CDH13: variants seen among roughly 807,000 people sequenced by gnomAD.
The protein encoded by CDH13 is cadherin 13.
Under a neutral mutation model 63.8 loss-of-function variants are expected in CDH13, and 24 were observed. That is an observed-to-expected ratio of 0.38 (90% CI 0.27 to 0.53). CDH13 has a LOEUF of 0.53. Ranked by LOEUF, CDH13 falls within the 20% of genes least tolerant of loss-of-function variation. The pLI is 0.85. For missense variants in CDH13, 1,049 were observed against 903.1 expected (o/e 1.16, Z -2.07); for synonymous variants, 503 against 355.3 (o/e 1.42, Z -4.67).
intron 3 of CDH13, among the ~76,000 whole-genome samples, chr16:83,078,028 G>C (rs1019134207): frequency 6.6e-6 from 1 of 152,058 alleles, no homozygotes; most frequent in Non-Finnish European, 1.5e-5. Flanking sequence ...GGCTTTGTTT[G>C]TTTTTGGCTT....
At chr16:83,790,101 C>T (rs1295037113) in intron 13 of CDH13, 1 of 152,190 alleles carries the variant, frequency 6.6e-6, no homozygotes, top group Non-Finnish European at 1.5e-5. Flanking sequence ...GTATTTTCTT[C>T]AGTGGTCTGG....
At chr16:83,346,179 T>C (rs1177099598) in intron 6 of CDH13, among the ~76,000 whole-genome samples, 1 of 151,894 alleles carries the variant, frequency 6.6e-6, no homozygotes, top group Non-Finnish European at 1.5e-5. Flanking sequence ...CTGGAGGGTG[T>C]TTAGGGGAGT....
chr16:83,172,791 A>T (rs2037978455), intron 4 of CDH13, among the ~76,000 whole-genome samples: 1 of 152,056 alleles, frequency 6.6e-6, no homozygotes, highest in Non-Finnish European at 1.5e-5. Context: ...ACAAACAATA[A>T]AAAAAGAAAA....
Position 82,655,198 on chromosome 16 carries a change from C to A in CDH13, c.45+28061C>A, listed in dbSNP as rs539191469. Among the ~76,000 whole-genome samples, 3 of 152,348 alleles carry A rather than the reference C, an allele frequency of 2.0e-5. No homozygotes were observed. In the East Asian group the frequency reaches 5.8e-4, roughly 29 times the overall value. Reference sequence around the variant, plus strand: ...GCAATGGGCACAACCAGGTTCCTATCTTCATGGAGCTATTGCTTTATTGGC... The same window carrying A: ...GCAATGGGCACAACCAGGTTCCTATATTCATGGAGCTATTGCTTTATTGGC... On this transcript the variant is annotated intron_variant, in intron 1 of 13. Transcript: ENST00000567109.
chr16:83,161,122 T>C (rs1490234706), intron 4 of CDH13, among the ~76,000 whole-genome samples: 1 of 152,226 alleles, frequency 6.6e-6, no homozygotes, highest in Non-Finnish European at 1.5e-5. Flanking sequence ...CTTTGAATTT[T>C]TGATATCATT....
At chr16:83,392,507 A>G (rs905756883) in intron 6 of CDH13, among the ~76,000 whole-genome samples, 1 of 152,198 alleles carries the variant, frequency 6.6e-6, no homozygotes, top group African/African-American at 2.4e-5. Context: ...GACTCCCCTG[A>G]TAGAGTTCCA....
In CDH13 at chr16:83,535,911, AAAGGAAAG is replaced by A. The variant is rs540612511; in HGVS notation, c.960+49271_960+49278del. Among the ~76,000 whole-genome samples, 177 of 149,042 alleles carry A rather than the reference AAAGGAAAG, an allele frequency of 1.2e-3. 1 individual carries two copies. The highest frequency in any genetic ancestry group is 9.3e-3 in the South Asian group (43 of 4,604). On this transcript the variant is annotated intron_variant, in intron 7 of 13. Transcript: ENST00000567109. The stretch of plus-strand genomic sequence containing the variant: ...AGAAACAAAGAAAAGAAAAGGAAAA[AAAGGAAAG>A]AAGGAAAGAAGGAAGGAAAGGAAGG...
intron 1 of CDH13, among the ~76,000 whole-genome samples, chr16:82,728,926 C>G (rs962724809): frequency 5.3e-5 from 8 of 152,126 alleles, no homozygotes; most frequent in Non-Finnish European, 1.2e-4. Context: ...CAACAATGTT[C>G]ACAGTATCTT....
At chr16:83,015,241 A>G (rs1233990025) in intron 2 of CDH13, among the ~76,000 whole-genome samples, 1 of 151,838 alleles carries the variant, frequency 6.6e-6, no homozygotes, top group Non-Finnish European at 1.5e-5. Flanking sequence ...TTATTTTTGT[A>G]TTTTAAAATG....
intron 1 of CDH13, among the ~76,000 whole-genome samples, chr16:82,666,534 A>T (rs963686811): frequency 4.6e-5 from 7 of 152,208 alleles, no homozygotes; most frequent in Non-Finnish European, 8.8e-5. Flanking sequence ...ATAAGGGGAA[A>T]GCACACACTT....
intron 4 of CDH13, among the ~76,000 whole-genome samples, chr16:83,147,153 G>A (rs571521464): frequency 4.6e-5 from 7 of 152,150 alleles, no homozygotes; most frequent in Non-Finnish European, 1.0e-4. Context: ...CATGATTTTT[G>A]AGATGTGTGA....
At chr16:83,357,855 C>T (rs768069989) in intron 6 of CDH13, among the ~76,000 whole-genome samples, 1 of 152,112 alleles carries the variant, frequency 6.6e-6, no homozygotes, top group Admixed American at 6.6e-5. Context: ...CCACAGGAAC[C>T]CATTCCTCTA....
chr16:82,974,541 T>C (rs1909227929), intron 2 of CDH13, among the ~76,000 whole-genome samples: 1 of 152,166 alleles, frequency 6.6e-6, no homozygotes, highest in Non-Finnish European at 1.5e-5. Flanking sequence ...ACCTAGAAAC[T>C]GCAAATATGT....
At chr16:83,365,902 C>T (rs925415148) in intron 6 of CDH13, among the ~76,000 whole-genome samples, 1 of 152,110 alleles carries the variant, frequency 6.6e-6, no homozygotes, top group Non-Finnish European at 1.5e-5. Context: ...GATTTTTCCC[C>T]CCAGGGACTC....
At chr16:82,767,431 A>C (rs1597510314) in intron 1 of CDH13, among the ~76,000 whole-genome samples, 1 of 152,220 alleles carries the variant, frequency 6.6e-6, no homozygotes, top group East Asian at 1.9e-4. Context: ...CCTTGACTCA[A>C]CATGTTGTTT....
At chr16:83,291,285 A>C (rs1229820460) in intron 5 of CDH13, among the ~76,000 whole-genome samples, 1 of 152,126 alleles carries the variant, frequency 6.6e-6, no homozygotes, top group South Asian at 2.1e-4. Flanking sequence ...GTCACGTAGT[A>C]AATATATTCA....
At chr16:83,252,827 A>C (rs545679632) in intron 5 of CDH13, among the ~76,000 whole-genome samples, 1 of 152,100 alleles carries the variant, frequency 6.6e-6, no homozygotes, top group Admixed American at 6.5e-5. Flanking sequence ...CCTAGCCCCA[A>C]AAATCCATAC....
chr16:83,306,674 G>A (rs1020432803), intron 5 of CDH13, among the ~76,000 whole-genome samples: 11 of 152,180 alleles, frequency 7.2e-5, no homozygotes, highest in African/African-American at 2.7e-4. Context: ...TATAGGGGTA[G>A]CACAGAGTCC....
intron 2 of CDH13, among the ~76,000 whole-genome samples, chr16:82,866,057 C>G (rs796636790): frequency 3.3e-5 from 5 of 152,328 alleles, no homozygotes; most frequent in African/African-American, 1.2e-4. Context: ...TGCCGCCAGT[C>G]TCTTTGCTAA....
Sources: gnomAD v4.1 joint callset for allele counts (sites outside exome capture counted in the v4.1 genomes callset) on GRCh38, gnomAD v4.1.1 for gene constraint, MANE v1.5 for transcripts, NCBI Gene and HGNC (gene_info 2026-07-23, HGNC 2026-07-21) for gene names.